The following CTNNA3 variants were observed in gnomAD, a reference collection of about 807,000 sequenced individuals.
The protein encoded by CTNNA3 is catenin alpha-3.
In CTNNA3, 76 loss-of-function variants were observed where a neutral mutation model predicts 95.7. The observed-to-expected ratio is 0.79, with a 90% confidence interval of 0.66 to 0.96. CTNNA3 has a LOEUF of 0.96. Ranked by LOEUF, CTNNA3 falls within the 40% of genes least tolerant of loss-of-function variation. The probability of loss-of-function intolerance (pLI) is 0.00; values close to 1 mark genes in which losing one functional copy is unlikely to be tolerated. For missense variants in CTNNA3, 1,191 were observed against 1,089.8 expected, an observed-to-expected ratio of 1.09 and a Z score of -1.31; for synonymous variants, 431 against 374.4, an observed-to-expected ratio of 1.15 and a Z score of -1.74.
chr10:66,010,726 C>T lies in CTNNA3; in HGVS notation c.2160-21929G>A, dbSNP rs569674311. Among the ~76,000 whole-genome samples the T allele has an allele frequency of 2.3e-4, 35 of 152,236 alleles. No homozygotes were observed. The South Asian group carries it at 3.9e-3, about 17-fold the overall frequency. ...AGATTATGTTCAGATTATTATGCCA[C>T]GCACATGATAACTAATTGTAGGGAA... On this transcript the variant is annotated intron_variant, in intron 15 of 17. Transcript: ENST00000433211.
intron 5 of CTNNA3, among the ~76,000 whole-genome samples, chr10:67,463,064 C>T (rs912141292): frequency 6.6e-6 from 1 of 151,948 alleles, no homozygotes; most frequent in African/African-American, 2.4e-5. Context: ...CCACCACACC[C>T]GGCTAATTTT....
At chr10:67,331,832 T>C (rs867402791) in intron 5 of CTNNA3, among the ~76,000 whole-genome samples, 3 of 152,264 alleles carry the variant, frequency 2.0e-5, no homozygotes, top group African/African-American at 7.2e-5. Flanking sequence ...AGAGGAACCC[T>C]AAGGAAAATT....
intron 7 of CTNNA3, among the ~76,000 whole-genome samples, chr10:66,909,805 A>G (rs1846144345): frequency 6.6e-6 from 1 of 152,164 alleles, no homozygotes; most frequent in Non-Finnish European, 1.5e-5. Context: ...AGGTATTCCC[A>G]GAGAACCATA....
At chr10:67,273,404 A>G (rs1343275125) in intron 5 of CTNNA3, among the ~76,000 whole-genome samples, 4 of 152,156 alleles carry the variant, frequency 2.6e-5, no homozygotes, top group Non-Finnish European at 5.9e-5. Context: ...TGCAAATTAA[A>G]CCACCATTAG....
intron 13 of CTNNA3, among the ~76,000 whole-genome samples, chr10:66,233,792 A>C (rs2089716301): frequency 6.6e-6 from 1 of 152,184 alleles, no homozygotes; most frequent in South Asian, 2.1e-4. Context: ...ATGATGATCT[A>C]AGAACTCTTC....
intron 9 of CTNNA3, among the ~76,000 whole-genome samples, chr10:66,666,444 G>A (rs1846453404): frequency 6.6e-6 from 1 of 152,084 alleles, no homozygotes; most frequent in East Asian, 1.9e-4. Flanking sequence ...ATAATATTTA[G>A]CTAAAATGTT....
chr10:67,125,304 C>T (rs1459178658), intron 7 of CTNNA3, among the ~76,000 whole-genome samples: 1 of 152,166 alleles, frequency 6.6e-6, no homozygotes, highest in East Asian at 1.9e-4. Flanking sequence ...TTTCAGTGAC[C>T]TGAGTGTGAC....
intron 13 of CTNNA3, among the ~76,000 whole-genome samples, chr10:66,129,522 G>T (rs908822496): frequency 6.6e-6 from 1 of 152,136 alleles, no homozygotes; most frequent in Non-Finnish European, 1.5e-5. Context: ...GCTTCCATAG[G>T]AGACTTTAGC....
chr10:66,229,617 T>C (rs1330398794), intron 13 of CTNNA3, among the ~76,000 whole-genome samples: 2 of 152,180 alleles, frequency 1.3e-5, no homozygotes, highest in African/African-American at 4.8e-5. Context: ...GATTTCCTTG[T>C]ATGTGACTTG....
In CTNNA3 at chr10:66,455,798, T is replaced by C. The variant is rs2093491485; in HGVS notation, c.1531+64819A>G. On this transcript the variant is annotated intron_variant, in intron 11 of 17. Coordinates refer to ENST00000433211, the MANE Select transcript of CTNNA3 (RefSeq NM_013266.4). ...TTTCACCACTAGCTCACTCTTGAATTATCTTCTGAGCAAAGTCAAGAACCC... is the reference window on the plus strand; with the variant it reads ...TTTCACCACTAGCTCACTCTTGAATCATCTTCTGAGCAAAGTCAAGAACCC... 2.0e-5 allele frequency among the ~76,000 whole-genome samples: 3 copies of C among 152,186 alleles called. No homozygotes were observed. The South Asian group carries it at 6.2e-4, about 32-fold the overall frequency.
intron 12 of CTNNA3, among the ~76,000 whole-genome samples, chr10:66,301,601 T>TC (rs2091864633): frequency 1.3e-5 from 2 of 151,844 alleles, no homozygotes; most frequent in African/African-American, 4.8e-5. Context: ...ATCCATCATA[T>TC]CATTAGGCTA....
At chr10:66,474,968 C>A (rs1283965119) in intron 11 of CTNNA3, among the ~76,000 whole-genome samples, 6 of 152,030 alleles carry the variant, frequency 3.9e-5, no homozygotes, top group East Asian at 3.9e-4. Flanking sequence ...TGGATATTAA[C>A]CCCTTGTCAC....
intron 6 of CTNNA3, among the ~76,000 whole-genome samples, chr10:67,180,837 G>A (rs566351585): frequency 1.9e-4 from 29 of 152,234 alleles, no homozygotes; most frequent in African/African-American, 6.5e-4. Flanking sequence ...TTAATGTTGC[G>A]TGTGTTGTAA....
intron 13 of CTNNA3, among the ~76,000 whole-genome samples, chr10:66,171,159 C>A (rs1320170816): frequency 6.6e-6 from 1 of 150,976 alleles, no homozygotes. Context: ...CTCACAATGA[C>A]CTGAAAGAAA....
intron 5 of CTNNA3, among the ~76,000 whole-genome samples, chr10:67,471,896 T>A (rs956462114): frequency 1.3e-5 from 2 of 152,156 alleles, no homozygotes; most frequent in Non-Finnish European, 2.9e-5. Context: ...TATAAAAAAA[T>A]AAACAACTAT....
At chr10:66,146,686 A>G (rs747830475) in intron 13 of CTNNA3, among the ~76,000 whole-genome samples, 7 of 152,090 alleles carry the variant, frequency 4.6e-5, no homozygotes, top group Non-Finnish European at 7.4e-5. Flanking sequence ...CCTCCTGAGT[A>G]TCTGGAACTA....
intron 5 of CTNNA3, among the ~76,000 whole-genome samples, chr10:67,441,227 G>A (rs562516405): frequency 2.8e-5 from 4 of 144,682 alleles, no homozygotes; most frequent in African/African-American, 1.0e-4. Context: ...CAGTGAGCTT[G>A]AAAACAGACT....
intron 5 of CTNNA3, among the ~76,000 whole-genome samples, chr10:67,320,074 C>T (rs553109082): frequency 7.1e-4 from 108 of 152,054 alleles, no homozygotes; most frequent in African/African-American, 2.4e-3. Context: ...TGGTAAAAAC[C>T]CTGGCTACAC....
chr10:66,220,185 A>C (rs2088843503), intron 13 of CTNNA3, among the ~76,000 whole-genome samples: 1 of 152,180 alleles, frequency 6.6e-6, no homozygotes, highest in African/African-American at 2.4e-5. Context: ...GGTAAGATTT[A>C]TCTGACACAG....
Sources: gnomAD v4.1 joint callset for allele counts (sites outside exome capture counted in the v4.1 genomes callset) on GRCh38, gnomAD v4.1.1 for gene constraint, MANE v1.5 for transcripts, NCBI Gene and HGNC (gene_info 2026-07-23, HGNC 2026-07-21) for gene names.